Variants in EAF2 observed in about 807,000 individuals in gnomAD.
EAF2 encodes ELL associated factor 2, also known as ELL-associated factor 2.
Under a neutral mutation model 29.4 loss-of-function variants are expected in EAF2, and 29 were observed. The ratio of observed to expected loss-of-function variants is 0.99; its 90% CI spans 0.73 to 1.35. The LOEUF (loss-of-function observed/expected upper bound fraction) is 1.35. Among genes scored for constraint, EAF2 ranks in the 40% most tolerant of loss-of-function variants. The pLI is 0.00. For synonymous variants in EAF2, 103 were observed against 102.5 expected (o/e 1.00, Z -0.03); for missense variants, 292 against 312.0 (o/e 0.94, Z 0.48).
At chr3:121,872,994 CT>C in intron 5 of EAF2, 1 of 801,018 alleles carries the variant, frequency 1.2e-6, no homozygotes. Context: ...TCTAGATAAT[CT>C]TTCCTCTCAC....
At chr3:121,838,281 T>C (rs974841916) in intron 1 of EAF2, among the ~76,000 whole-genome samples, 4 of 152,162 alleles carry the variant, frequency 2.6e-5, no homozygotes, top group African/African-American at 9.6e-5. Flanking sequence ...ATGGTAAAGT[T>C]GGTGGTAGGG....
chr3:121,871,556 C>G (rs761717642), intron 4 of EAF2, among the ~76,000 whole-genome samples: 3 of 151,880 alleles, frequency 2.0e-5, no homozygotes, highest in Non-Finnish European at 2.9e-5. Flanking sequence ...GCAGAGGAAA[C>G]AGCTAGTACG....
intron 4 of EAF2, among the ~76,000 whole-genome samples, chr3:121,866,992 G>A (rs1287877714): frequency 6.6e-6 from 1 of 152,074 alleles, no homozygotes; most frequent in East Asian, 1.9e-4. Context: ...GAATCAGATG[G>A]AAATTATAGA....
chr3:121,842,467 T>A (rs904045715), intron 1 of EAF2, among the ~76,000 whole-genome samples: 7 of 152,218 alleles, frequency 4.6e-5, no homozygotes, highest in African/African-American at 7.2e-5. Flanking sequence ...GCAGTTCGTT[T>A]TTCTAGCTTT....
chr3:121,884,340 CA>C (rs1192870196), intron 5 of EAF2, among the ~76,000 whole-genome samples: 6,327 of 84,116 alleles, frequency 0.075, 383 homozygotes, highest in African/African-American at 0.26. Context: ...AACTCCATCT[CA>C]AAAAAAAAAA....
At chr3:121,860,265 C>T (rs187222246) in intron 4 of EAF2, among the ~76,000 whole-genome samples, 19 of 152,280 alleles carry the variant, frequency 1.2e-4, no homozygotes, top group Admixed American at 1.2e-3. Context: ...CTCTTTCTAC[C>T]TCTGGTAGAA....
chr3:121,844,894 T>G (rs577774516), intron 2 of EAF2, among the ~76,000 whole-genome samples: 3 of 152,266 alleles, frequency 2.0e-5, no homozygotes, highest in African/African-American at 7.2e-5. Context: ...ACACATAACA[T>G]CTAGTGTTAT....
At chr3:121,842,603 G>A (rs1708456995) in intron 1 of EAF2, among the ~76,000 whole-genome samples, 1 of 152,090 alleles carries the variant, frequency 6.6e-6, no homozygotes, top group African/African-American at 2.4e-5. Context: ...AAAATCATCA[G>A]GAAAAACTTT....
rs145212904 is a variant in EAF2 at position 121,840,666 on chromosome 3, G to A, written c.107-3787G>A. Among the ~76,000 whole-genome samples the A allele has an allele frequency of 5.0e-3, 758 of 151,322 alleles. 7 individuals are homozygous for A. Among genetic ancestry groups the A allele is most frequent in the African/African-American group, 0.017 (708 of 41,242 alleles). On this transcript the variant is annotated intron_variant, in intron 1 of 5. Transcript: ENST00000273668. Reference sequence around the variant, plus strand: ...TAAAAGTACAAAAAATATTAGCCGGGAGTGGTGACGGGCGCCTGTGGTCCC... The same window carrying A: ...TAAAAGTACAAAAAATATTAGCCGGAAGTGGTGACGGGCGCCTGTGGTCCC...
In EAF2 at chr3:121,877,960, T is replaced by C. The variant is rs75433298; in HGVS notation, c.736+5172T>C. Among the ~76,000 whole-genome samples the C allele has an allele frequency of 5.9e-3, 899 of 152,094 alleles. 5 individuals are homozygous for C. Among genetic ancestry groups the C allele is most frequent in the Non-Finnish European group, 8.9e-3 (604 of 67,998 alleles). The stretch of plus-strand genomic sequence containing the variant: ...CTGTGTCCAGCTCATTATAGGGAAA[T>C]TTATAACCTCAAAATGTTATTTAAA... On this transcript the variant is annotated intron_variant, in intron 5 of 5. Transcript: ENST00000273668.
At chr3:121,873,650 A>G (rs1709053787) in intron 5 of EAF2, among the ~76,000 whole-genome samples, 1 of 151,798 alleles carries the variant, frequency 6.6e-6, no homozygotes, top group South Asian at 2.1e-4. Context: ...AATTTCTTTT[A>G]ATATAGAGGC....
chr3:121,856,916 A>G (rs1367234868), intron 3 of EAF2, 95 bp from the exon 4 acceptor site: 3 of 1,000,744 alleles, frequency 3.0e-6, no homozygotes, highest in Admixed American at 2.6e-5. Context: ...GATGTTTAGG[A>G]AAAGAATAAG....
intron 4 of EAF2, among the ~76,000 whole-genome samples, chr3:121,872,038 C>G (rs1709024085): frequency 6.6e-6 from 1 of 151,786 alleles, no homozygotes; most frequent in Admixed American, 6.6e-5. Flanking sequence ...GGAACTGGCT[C>G]TTCAAAAATA....
At chr3:121,874,008 C>T (rs1709058858) in intron 5 of EAF2, among the ~76,000 whole-genome samples, 2 of 151,712 alleles carry the variant, frequency 1.3e-5, no homozygotes, top group South Asian at 4.1e-4. Flanking sequence ...GTATAATGTT[C>T]CATGAGAACA....
At chr3:121,871,719 G>C (rs1709017579) in intron 4 of EAF2, among the ~76,000 whole-genome samples, 1 of 151,982 alleles carries the variant, frequency 6.6e-6, no homozygotes, top group African/African-American at 2.4e-5. Flanking sequence ...TGTTAACTGA[G>C]TGTATTATTC....
intron 1 of EAF2, chr3:121,836,807 C>A: frequency 1.0e-6 from 1 of 984,788 alleles, no homozygotes; most frequent in Non-Finnish European, 1.2e-6. Context: ...ATGCAATAGT[C>A]TTAATATTAA....
chr3:121,861,283 CATT>C (rs544767249), intron 4 of EAF2, among the ~76,000 whole-genome samples: 48 of 152,250 alleles, frequency 3.2e-4, no homozygotes, highest in African/African-American at 1.2e-3. Context: ...TAAAGTCTCC[CATT>C]ATTATTGTTT....
chr3:121,864,194 T>A (rs564451535), intron 4 of EAF2, among the ~76,000 whole-genome samples: 1 of 152,352 alleles, frequency 6.6e-6, no homozygotes, highest in South Asian at 2.1e-4. Flanking sequence ...TAATTGTGGC[T>A]GCAGTGAGAC....
At chr3:121,844,404 C>T (rs1400486380) in intron 1 of EAF2, 49 bp from the exon 2 acceptor site, 6 of 1,128,552 alleles carry the variant, frequency 5.3e-6, no homozygotes, top group Non-Finnish European at 7.9e-6. Context: ...ATTTTTATAT[C>T]CAAATATCAT....
Sources: gnomAD v4.1 joint callset for allele counts (sites outside exome capture counted in the v4.1 genomes callset) on GRCh38, gnomAD v4.1.1 for gene constraint, MANE v1.5 for transcripts, NCBI Gene and HGNC (gene_info 2026-07-23, HGNC 2026-07-21) for gene names.